COMMD10: variants seen among roughly 807,000 people sequenced by gnomAD.
COMMD10 encodes the protein COMM domain containing 10, also known as COMM domain-containing protein 10.
COMMD10 carries 33 observed loss-of-function variants against 28.9 expected under a neutral mutation model. The ratio of observed to expected loss-of-function variants is 1.14; its 90% confidence interval spans 0.87 to 1.53. The LOEUF (loss-of-function observed/expected upper bound fraction) is 1.53. Among genes scored for constraint, COMMD10 ranks in the 40% most tolerant of loss-of-function variants. The probability of loss-of-function intolerance (pLI) is 0.00; values close to 1 mark genes in which losing one functional copy is unlikely to be tolerated. For missense variants in COMMD10, 310 were observed against 233.4 expected (o/e 1.33, Z -2.14); for synonymous variants, 110 against 81.7 (o/e 1.35, Z -1.87).
chr5:116,226,505 G>T (rs552584415), intron 5 of COMMD10, among the ~76,000 whole-genome samples: 17 of 143,790 alleles, frequency 1.2e-4, no homozygotes, highest in African/African-American at 4.0e-4. Context: ...TCTCTATTTA[G>T]TAGTGCATTT....
intron 5 of COMMD10, among the ~76,000 whole-genome samples, chr5:116,278,956 T>G (rs1750992146): frequency 6.6e-6 from 1 of 151,908 alleles, no homozygotes; most frequent in South Asian, 2.1e-4. Context: ...CAAAATCCAC[T>G]TATTCTGATA....
chr5:116,199,473 C>G (rs948659937), intron 5 of COMMD10, among the ~76,000 whole-genome samples: 2 of 152,038 alleles, frequency 1.3e-5, no homozygotes, highest in African/African-American at 4.8e-5. Flanking sequence ...TTAATGAAGT[C>G]CAGCTTGTCA....
At chr5:116,129,349 A>G (rs372232534) in intron 4 of COMMD10, among the ~76,000 whole-genome samples, 2 of 145,892 alleles carry the variant, frequency 1.4e-5, no homozygotes, top group African/African-American at 5.0e-5. Flanking sequence ...ATAGTATAGT[A>G]TATATATGCT....
chr5:116,163,660 ATAGTT>A (rs1338392727), intron 5 of COMMD10, among the ~76,000 whole-genome samples: 1 of 152,170 alleles, frequency 6.6e-6, no homozygotes, highest in Non-Finnish European at 1.5e-5. Flanking sequence ...GATTTTGTGA[ATAGTT>A]TATAGTATAT....
rs145325355 is a variant in COMMD10 at position 116,225,752 on chromosome 5, G to T, written c.511-65765G>T. ...GATTCATCTTTCTACCACTCAAGCT[G>T]TAAATGATTGAAAAATGTTCTCAGT... On this transcript the variant is annotated intron_variant, in intron 5 of 6. Transcript: ENST00000274458. 2.9e-3 allele frequency among the ~76,000 whole-genome samples: 448 copies of T among 151,972 alleles called. 3 individuals are homozygous for T. The highest frequency in any genetic ancestry group is 0.01 in the African/African-American group (430 of 41,444).
Position 116,279,089 on chromosome 5 carries a change from C to A in COMMD10, c.511-12428C>A, listed in dbSNP as rs891052561. Among the ~76,000 whole-genome samples the A allele has an allele frequency of 1.5e-4, 22 of 151,662 alleles. 1 individual carries two copies. Among genetic ancestry groups the A allele is most frequent in the African/African-American group, 5.1e-4 (21 of 41,090 alleles). ...GCATGTATGCCCTAGGATGTGCATG[C>A]ATGCAATTGGAAGCACTGTTGGGAG... is the stretch of plus-strand genomic sequence containing the variant. On this transcript the variant is annotated intron_variant, in intron 5 of 6. Transcript: ENST00000274458.
intron 5 of COMMD10, among the ~76,000 whole-genome samples, chr5:116,240,449 C>T (rs1161967954): frequency 6.6e-6 from 1 of 152,146 alleles, no homozygotes; most frequent in Non-Finnish European, 1.5e-5. Context: ...TTCATAAGCA[C>T]ATAATTCTTA....
intron 5 of COMMD10, among the ~76,000 whole-genome samples, chr5:116,244,660 C>CAAA (rs60360733): frequency 7.5e-5 from 6 of 79,482 alleles, no homozygotes; most frequent in Non-Finnish European, 9.0e-5. Context: ...AAAAAAATTA[C>CAAA]AAAAAAAAAA....
intron 5 of COMMD10, among the ~76,000 whole-genome samples, chr5:116,270,439 T>C (rs1345751768): frequency 6.6e-6 from 1 of 151,876 alleles, no homozygotes; most frequent in Non-Finnish European, 1.5e-5. Flanking sequence ...GACTGTCTTT[T>C]GTAGAGAGTA....
intron 5 of COMMD10, among the ~76,000 whole-genome samples, chr5:116,199,788 T>C (rs1748615738): frequency 6.6e-6 from 1 of 152,142 alleles, no homozygotes. Context: ...AAACAGGGTC[T>C]CGCTATGTTG....
In COMMD10 at chr5:116,272,946, A is replaced by G. The variant is rs189482396; in HGVS notation, c.511-18571A>G. On this transcript the variant is annotated intron_variant, in intron 5 of 6. Transcript: ENST00000274458. ...TCTGTCACTGTGGGCTTCATCTTCA[A>G]TGTTGTCTCGTCCCTTCTTAAAACA... is the stretch of plus-strand genomic sequence containing the variant. Among the ~76,000 whole-genome samples, 7 of 151,894 alleles carry G rather than the reference A, an allele frequency of 4.6e-5. 1 individual carries two copies. The highest frequency in any genetic ancestry group is 1.9e-4 in the East Asian group (1 of 5,176).
chr5:116,101,779 C>G (rs1356509246), intron 4 of COMMD10, among the ~76,000 whole-genome samples: 1 of 152,134 alleles, frequency 6.6e-6, no homozygotes, highest in African/African-American at 2.4e-5. Flanking sequence ...CTCATTGTGG[C>G]TTTGATTTGC....
intron 5 of COMMD10, among the ~76,000 whole-genome samples, chr5:116,241,462 C>G (rs1301824317): frequency 6.6e-5 from 10 of 152,106 alleles, no homozygotes; most frequent in Non-Finnish European, 1.5e-4. Flanking sequence ...CTTACTGACA[C>G]AACCTTTACT....
At chr5:116,091,521 T>A (rs1561595140) in intron 3 of COMMD10, among the ~76,000 whole-genome samples, 1 of 152,174 alleles carries the variant, frequency 6.6e-6, no homozygotes, top group African/African-American at 2.4e-5. Flanking sequence ...AGAAAAGAAG[T>A]ATTGTCATAT....
At chr5:116,194,703 C>T (rs543361161) in intron 5 of COMMD10, among the ~76,000 whole-genome samples, 6 of 152,104 alleles carry the variant, frequency 3.9e-5, no homozygotes, top group African/African-American at 1.4e-4. Context: ...AAGAGAAGTC[C>T]AGGACCAGAC....
intron 5 of COMMD10, among the ~76,000 whole-genome samples, chr5:116,216,196 A>G (rs1749097066): frequency 6.6e-6 from 1 of 152,182 alleles, no homozygotes; most frequent in Non-Finnish European, 1.5e-5. Context: ...TTAAATTTAT[A>G]TTTTTAACCA....
intron 5 of COMMD10, among the ~76,000 whole-genome samples, chr5:116,235,005 A>G (rs1407395184): frequency 6.6e-6 from 1 of 152,212 alleles, no homozygotes; most frequent in African/African-American, 2.4e-5. Context: ...ATCTCTTACC[A>G]GTGAACTTCT....
At chr5:116,199,385 T>TTC (rs1229520042) in intron 5 of COMMD10, among the ~76,000 whole-genome samples, 1 of 152,166 alleles carries the variant, frequency 6.6e-6, no homozygotes, top group African/African-American at 2.4e-5. Flanking sequence ...TTTGCAGATA[T>TTC]TCTCTCCCAG....
At position 116,092,706 on chromosome 5, in the gene COMMD10, G is replaced by T; in HGVS notation, c.399+6G>T. On this transcript the variant is annotated splice_donor_region_variant and intron_variant, in intron 4 of 6. Coordinates refer to ENST00000274458, the MANE Select transcript of COMMD10 (RefSeq NM_016144.4). ...GAATTCTGGCTCCCTGTAAGGTATA[G>T]AACATACTGTCTTAAATATGTTTTT... is the stretch of plus-strand genomic sequence containing the variant. 6.4e-7 allele frequency: 1 copy of T among 1,560,180 alleles called. No individual in the cohort carries two copies. Among genetic ancestry groups the T allele is most frequent in the South Asian group, 1.2e-5 (1 of 81,516 alleles).
Sources: gnomAD v4.1 joint callset for allele counts (sites outside exome capture counted in the v4.1 genomes callset) on GRCh38, gnomAD v4.1.1 for gene constraint, MANE v1.5 for transcripts, NCBI Gene and HGNC (gene_info 2026-07-23, HGNC 2026-07-21) for gene names.